The following SLC26A7 variants were observed in gnomAD, a reference collection of about 807,000 sequenced individuals.
SLC26A7 encodes solute carrier family 26 member 7.
SLC26A7 carries 59 observed loss-of-function variants against 82.5 expected under a neutral mutation model. That is an observed-to-expected ratio of 0.72 (90% CI 0.58 to 0.89). The LOEUF is 0.89. Among genes scored for constraint, SLC26A7 ranks in the 40% least tolerant of loss-of-function variants. The pLI is 0.00. For synonymous variants in SLC26A7, 271 were observed against 274.3 expected (o/e 0.99, Z 0.12); for missense variants, 820 against 793.0 (o/e 1.03, Z -0.41).
At chr8:91,330,330 G>A (rs564433616) in intron 5 of SLC26A7, among the ~76,000 whole-genome samples, 76 of 152,196 alleles carry the variant, frequency 5.0e-4, no homozygotes, top group African/African-American at 1.8e-3. Context: ...CTTTATACCA[G>A]GTGCATTTGA....
chr8:91,210,562 G>GACACACAC (rs35968986), intron 1 of SLC26A7, among the ~76,000 whole-genome samples: 1,660 of 146,164 alleles, frequency 0.011, 20 homozygotes, highest in African/African-American at 0.024. Context: ...CACACACACA[G>GACACACAC]ACACACACAC....
intron 2 of SLC26A7, among the ~76,000 whole-genome samples, chr8:91,257,259 A>G (rs1002572508): frequency 6.6e-6 from 1 of 152,138 alleles, no homozygotes; most frequent in African/African-American, 2.4e-5. Context: ...AGATTTTACC[A>G]TGTAGCAGAG....
chr8:91,230,885 G>T (rs1476207645), intron 2 of SLC26A7, among the ~76,000 whole-genome samples: 2 of 152,212 alleles, frequency 1.3e-5, no homozygotes, highest in African/African-American at 4.8e-5. Context: ...TATAAGACTA[G>T]TCTGCATGAG....
intron 15 of SLC26A7, among the ~76,000 whole-genome samples, chr8:91,387,482 A>G (rs1236515406): frequency 6.6e-6 from 1 of 152,158 alleles, no homozygotes; most frequent in East Asian, 1.9e-4. Context: ...AGAAGGCACT[A>G]CTGGAGTACC....
chr8:91,331,328 C>T (rs1378014003), intron 5 of SLC26A7, among the ~76,000 whole-genome samples: 6 of 152,090 alleles, frequency 3.9e-5, no homozygotes, highest in African/African-American at 1.4e-4. Flanking sequence ...AATAAATGTA[C>T]ATTTTGTCTA....
intron 9 of SLC26A7, chr8:91,344,107 T>C (rs1300078220): frequency 6.4e-5 from 63 of 985,284 alleles, no homozygotes; most frequent in Non-Finnish European, 7.3e-5. Flanking sequence ...GATATTGAGT[T>C]GTGTGCCAGG....
intron 5 of SLC26A7, among the ~76,000 whole-genome samples, chr8:91,329,643 C>T (rs762052118): frequency 6.6e-6 from 1 of 152,092 alleles, no homozygotes; most frequent in Admixed American, 6.6e-5. Flanking sequence ...CTTATACAGA[C>T]ATTGTCATGG....
At chr8:91,327,889 C>G (rs1398435838) in intron 5 of SLC26A7, among the ~76,000 whole-genome samples, 1 of 151,934 alleles carries the variant, frequency 6.6e-6, no homozygotes, top group African/African-American at 2.4e-5. Context: ...TTTGTGGTCC[C>G]TTTATGGATA....
intron 18 of SLC26A7, chr8:91,394,381 A>C: frequency 2.0e-6 from 3 of 1,520,982 alleles, no homozygotes; most frequent in Non-Finnish European, 2.6e-6. Flanking sequence ...CAAATATAAA[A>C]ACTCTAAATA....
At chr8:91,394,397 T>C in intron 18 of SLC26A7, 4 of 1,472,930 alleles carry the variant, frequency 2.7e-6, no homozygotes, top group Admixed American at 2.6e-5. Context: ...AAATATGGCC[T>C]TTTAAGTTTT....
rs56303678 is a variant in SLC26A7 at position 91,363,785 on chromosome 8, C to T, written c.1488+247C>T. ...CAAAAGCATAGCATGGTACCTAGAA[C>T]TACAGTTCACTGTAGAATCATGGCA... On this transcript the variant is annotated intron_variant, in intron 13 of 18. Transcript: ENST00000276609. Among the ~76,000 whole-genome samples the T allele has an allele frequency of 4.9e-3, 744 of 152,220 alleles. 3 individuals carry two copies. The highest frequency in any genetic ancestry group is 6.5e-3 in the Non-Finnish European group (440 of 67,996).
chr8:91,381,928 T>C (rs1814680852), intron 15 of SLC26A7, among the ~76,000 whole-genome samples: 1 of 152,220 alleles, frequency 6.6e-6, no homozygotes, highest in Non-Finnish European at 1.5e-5. Context: ...CTTAATTATG[T>C]TTGAAATTAG....
rs1057513512 is a variant in SLC26A7, at chr8:91,395,687, A to G, written c.*590A>G. 4 of 152,196 alleles carry G rather than the reference A, an allele frequency of 2.6e-5. No individual in the cohort carries two copies. Among genetic ancestry groups the G allele is most frequent in the African/African-American group, 7.2e-5 (3 of 41,436 alleles). 9.4% of individuals were successfully genotyped at this position (152,196 alleles called of 1,614,324 possible). On this transcript the variant is annotated 3_prime_UTR_variant, in exon 19 of 19. Transcript: ENST00000276609. ...CGTTTCCATATCTTTCCATACATCC[A>G]TTTCTGAAGTATTCAGGAATGTTTT...
At chr8:91,361,637 A>G (rs1284295775) in intron 11 of SLC26A7, among the ~76,000 whole-genome samples, 1 of 152,138 alleles carries the variant, frequency 6.6e-6, no homozygotes, top group African/African-American at 2.4e-5. Flanking sequence ...AGAAACGCCA[A>G]CTATAATACA....
chr8:91,214,099 G>C (rs768560649), intron 1 of SLC26A7, among the ~76,000 whole-genome samples: 16 of 152,148 alleles, frequency 1.1e-4, no homozygotes, highest in African/African-American at 2.2e-4. Context: ...AAGAGAAGCT[G>C]AAGATAAGAG....
At chr8:91,269,110 TAA>T (rs1402842154) in intron 2 of SLC26A7, among the ~76,000 whole-genome samples, 1 of 152,090 alleles carries the variant, frequency 6.6e-6, no homozygotes, top group African/African-American at 2.4e-5. Flanking sequence ...ACTAAAGATA[TAA>T]GTGGTTTATA....
chr8:91,235,115 G>A (rs1479812256), intron 2 of SLC26A7, among the ~76,000 whole-genome samples: 1 of 151,888 alleles, frequency 6.6e-6, no homozygotes, highest in Non-Finnish European at 1.5e-5. Context: ...GTGGAAAGTG[G>A]GTTTTGACAT....
chr8:91,233,937 C>CTCCT (rs1302859384), intron 2 of SLC26A7, among the ~76,000 whole-genome samples: 1 of 152,234 alleles, frequency 6.6e-6, no homozygotes, highest in East Asian at 1.9e-4. Flanking sequence ...TGTCCTTGGG[C>CTCCT]TCCTCTCTTC....
At chr8:91,304,659 A>G (rs1812254835) in intron 4 of SLC26A7, among the ~76,000 whole-genome samples, 1 of 152,208 alleles carries the variant, frequency 6.6e-6, no homozygotes. Context: ...TCCAGTATAC[A>G]CTTCCTTAAC....
Sources: gnomAD v4.1 joint callset for allele counts (sites outside exome capture counted in the v4.1 genomes callset) on GRCh38, gnomAD v4.1.1 for gene constraint, MANE v1.5 for transcripts, NCBI Gene and HGNC (gene_info 2026-07-23, HGNC 2026-07-21) for gene names.